The following DIP2C variants were observed in gnomAD, a reference collection of about 807,000 sequenced individuals.
The protein encoded by DIP2C is disco-interacting protein 2 homolog C.
DIP2C carries 33 observed loss-of-function variants against 192.4 expected under a neutral mutation model. The observed-to-expected ratio is 0.17, with a 90% CI of 0.13 to 0.23. The LOEUF is 0.23. Among genes scored for constraint, DIP2C ranks in the 10% least tolerant of loss-of-function variants. DIP2C has a pLI of 1.00. For synonymous variants in DIP2C, 979 were observed against 864.1 expected (o/e 1.13, Z -2.33); for missense variants, 1,537 against 2,110.1 (o/e 0.73, Z 5.32).
chr10:560,540 G>A (rs1359498701), intron 1 of DIP2C, among the ~76,000 whole-genome samples: 5 of 152,148 alleles, frequency 3.3e-5, no homozygotes, highest in Admixed American at 3.3e-4. Flanking sequence ...GTTTTGATAG[G>A]CCTCTTGATT....
intron 1 of DIP2C, among the ~76,000 whole-genome samples, chr10:495,583 AT>A (rs1844771142): frequency 1.3e-5 from 2 of 150,768 alleles, no homozygotes; most frequent in Admixed American, 1.3e-4. Flanking sequence ...AAAAAAAAAA[AT>A]AAAGCATGCT....
At chr10:600,170 A>AGG (rs1851964744) in intron 1 of DIP2C, among the ~76,000 whole-genome samples, 1 of 152,278 alleles carries the variant, frequency 6.6e-6, no homozygotes, top group Admixed American at 6.5e-5. Flanking sequence ...TGGAAATAAG[A>AGG]GGGAAGACAT....
chr10:420,812 C>T (rs188751919), intron 5 of DIP2C, among the ~76,000 whole-genome samples: 1 of 152,308 alleles, frequency 6.6e-6, no homozygotes, highest in Non-Finnish European at 1.5e-5. Context: ...CCTGAGTCTG[C>T]AGCCCTGGGC....
chr10:438,486 G>A (rs1967457225), intron 4 of DIP2C, among the ~76,000 whole-genome samples: 1 of 146,496 alleles, frequency 6.8e-6, no homozygotes, highest in African/African-American at 2.8e-5. Context: ...TAAACAAACA[G>A]GATTAAGCAT....
intron 31 of DIP2C, chr10:311,519 G>A (rs1956565663): frequency 8.1e-7 from 1 of 1,232,482 alleles, no homozygotes; most frequent in East Asian, 3.2e-5. Context: ...GGGTGTGATG[G>A]ACAGGAAAGT....
intron 1 of DIP2C, among the ~76,000 whole-genome samples, chr10:634,533 G>A (rs545160058): frequency 6.6e-6 from 1 of 152,250 alleles, no homozygotes; most frequent in East Asian, 1.9e-4. Context: ...TCAACGGCAG[G>A]CCACCAATTA....
chr10:682,116 T>C (rs553294296), intron 1 of DIP2C, among the ~76,000 whole-genome samples: 1 of 152,342 alleles, frequency 6.6e-6, no homozygotes, highest in South Asian at 2.1e-4. Flanking sequence ...CTTCAGAGCA[T>C]AGACCTCATT....
At chr10:388,627 G>C (rs370253239) in intron 13 of DIP2C, among the ~76,000 whole-genome samples, 1 of 152,342 alleles carries the variant, frequency 6.6e-6, no homozygotes, top group African/African-American at 2.4e-5. Flanking sequence ...CCTTGGAGGC[G>C]CAGGGGGCAG....
At chr10:460,140 G>T (rs1339372028) in intron 3 of DIP2C, among the ~76,000 whole-genome samples, 2 of 152,082 alleles carry the variant, frequency 1.3e-5, no homozygotes, top group African/African-American at 4.8e-5. Context: ...TCAGGGAACG[G>T]CATGCTGCAC....
At position 518,203 on chromosome 10, in the gene DIP2C, C is replaced by T. The variant is rs1588369610; in HGVS notation, c.86-31673G>A. 2.6e-5 allele frequency among the ~76,000 whole-genome samples: 4 copies of T among 152,386 alleles called. No homozygotes were observed. In the South Asian group the frequency reaches 6.2e-4, roughly 24 times the overall value. On this transcript the variant is annotated intron_variant, in intron 1 of 36. Coordinates refer to ENST00000280886, the MANE Select transcript of DIP2C (RefSeq NM_014974.3). ...CCCAAGGTCATGGCCTCTGCCTCTTCTCTGCTGACCCGTCAGTTCCAAGCT... is the reference window on the plus strand; with the variant it reads ...CCCAAGGTCATGGCCTCTGCCTCTTTTCTGCTGACCCGTCAGTTCCAAGCT...
chr10:360,851 T>C (rs1025606344), intron 22 of DIP2C, among the ~76,000 whole-genome samples: 13 of 152,346 alleles, frequency 8.5e-5, no homozygotes, highest in African/African-American at 2.4e-4. Context: ...TGTCTCTGTT[T>C]CCAGCATCTC....
At chr10:357,605 G>A (rs1959144069) in intron 23 of DIP2C, among the ~76,000 whole-genome samples, 7 of 152,200 alleles carry the variant, frequency 4.6e-5, no homozygotes, top group Non-Finnish European at 7.3e-5. Context: ...AGGACAGGTA[G>A]AATAAAGGAA....
intron 3 of DIP2C, among the ~76,000 whole-genome samples, 159 bp downstream of exon 3, chr10:472,280 C>G (rs935651029): frequency 6.6e-6 from 1 of 152,210 alleles, no homozygotes; most frequent in Non-Finnish European, 1.5e-5. Context: ...CGGACACTGG[C>G]GTCTCCCGAG....
At chr10:548,384 A>C (rs1360101374) in intron 1 of DIP2C, among the ~76,000 whole-genome samples, 1 of 148,038 alleles carries the variant, frequency 6.8e-6, no homozygotes, top group Non-Finnish European at 1.5e-5. Flanking sequence ...AGACGGGAAA[A>C]GAGCATCGAA....
chr10:556,416 C>T lies in DIP2C; in HGVS notation c.86-69886G>A, dbSNP rs74645105. On this transcript the variant is annotated intron_variant, in intron 1 of 36. Coordinates refer to ENST00000280886, the MANE Select transcript of DIP2C (RefSeq NM_014974.3). ...TGCGCACACCACCATCTCTGACACT[C>T]GGACCTCAGAGTGTCATCACGCAGC... Among the ~76,000 whole-genome samples, 214 of 130,724 alleles carry T rather than the reference C, an allele frequency of 1.6e-3. 2 individuals are homozygous for T. Among genetic ancestry groups the T allele is most frequent in the African/African-American group, 6.1e-3 (195 of 31,722 alleles). The allele number at this position is 130,724 out of a possible 152,430, so 85.8% of individuals were successfully genotyped here. A position where few individuals can be genotyped will look rare whatever the true frequency, so the allele number is the denominator to read the frequency against.
chr10:657,336 CCTGGACCTGCCG>C (rs1177831182), intron 1 of DIP2C, among the ~76,000 whole-genome samples: 1 of 33,118 alleles, frequency 3.0e-5, no homozygotes, highest in Non-Finnish European at 6.0e-5. Flanking sequence ...TGGACCTGTC[CCTGGACCTGCCG>C]CTGGACCTGC....
intron 1 of DIP2C, among the ~76,000 whole-genome samples, chr10:591,519 T>C (rs1305745394): frequency 6.6e-6 from 1 of 152,226 alleles, no homozygotes. Flanking sequence ...AGAGAACCAG[T>C]TACCCATTTG....
At position 392,031 on chromosome 10, in the gene DIP2C, C is replaced by T. The variant is rs114418958; in HGVS notation, c.1261-1168G>A. Among the ~76,000 whole-genome samples, 924 of 152,316 alleles carry T rather than the reference C, an allele frequency of 6.1e-3. 5 individuals are homozygous for T. Among genetic ancestry groups the T allele is most frequent in the African/African-American group, 0.02 (839 of 41,574 alleles). On this transcript the variant is annotated intron_variant, in intron 10 of 36. Coordinates refer to ENST00000280886, the MANE Select transcript of DIP2C (RefSeq NM_014974.3). ...AACCAGCACATGCAGGGCAGCTCCCCAAGATCTGGCCGCCGGGAGCTCTGC... is the reference window on the plus strand; with the variant it reads ...AACCAGCACATGCAGGGCAGCTCCCTAAGATCTGGCCGCCGGGAGCTCTGC...
chr10:517,161 C>CA (rs1227826030), intron 1 of DIP2C, among the ~76,000 whole-genome samples: 2 of 152,044 alleles, frequency 1.3e-5, no homozygotes, highest in Non-Finnish European at 2.9e-5. Context: ...TCCCATCATA[C>CA]ACATCCCCAT....
Sources: allele counts gnomAD v4.1 joint callset (sites outside exome capture counted in the v4.1 genomes callset), GRCh38; gene constraint gnomAD v4.1.1; transcripts MANE v1.5; gene names NCBI Gene and HGNC (gene_info 2026-07-23, HGNC 2026-07-21).